The following MAD1L1 variants were observed in gnomAD, a reference collection of about 807,000 sequenced individuals.
MAD1L1 encodes mitotic spindle assembly checkpoint protein MAD1.
A neutral mutation model predicts 96.9 loss-of-function variants in MAD1L1; 95 were observed. That is an observed-to-expected ratio of 0.98 (90% confidence interval 0.83 to 1.16). The LOEUF (loss-of-function observed/expected upper bound fraction) is 1.16. Among genes scored for constraint, MAD1L1 ranks in the 50% most tolerant of loss-of-function variants. The probability of loss-of-function intolerance (pLI) is 0.00; values close to 1 mark genes in which losing one functional copy is unlikely to be tolerated. For missense variants in MAD1L1, 1,007 were observed against 954.4 expected, an observed-to-expected ratio of 1.06 and a Z score of -0.73; for synonymous variants, 473 against 396.6, an observed-to-expected ratio of 1.19 and a Z score of -2.29.
intron 10 of MAD1L1, among the ~76,000 whole-genome samples, chr7:2,185,349 G>T (rs973349490): frequency 6.6e-6 from 1 of 152,214 alleles, no homozygotes; most frequent in Admixed American, 6.5e-5. Flanking sequence ...TCTCCCGGGG[G>T]TAGGAATTGA....
intron 1 of MAD1L1, among the ~76,000 whole-genome samples, chr7:2,232,051 T>G (rs776826660): frequency 6.6e-6 from 1 of 152,184 alleles, no homozygotes; most frequent in African/African-American, 2.4e-5. Context: ...AGATTGGAAC[T>G]TGGGTCTGTC....
At chr7:1,863,811 A>G (rs1238869119) in intron 18 of MAD1L1, among the ~76,000 whole-genome samples, 1 of 152,118 alleles carries the variant, frequency 6.6e-6, no homozygotes, top group Non-Finnish European at 1.5e-5. Context: ...GAGGAAGGCC[A>G]GGCGCGGTGG....
intron 11 of MAD1L1, among the ~76,000 whole-genome samples, chr7:2,130,500 CAT>C (rs1365836586): frequency 6.6e-6 from 1 of 152,182 alleles, no homozygotes; most frequent in Non-Finnish European, 1.5e-5. Flanking sequence ...CAGCTTCCCA[CAT>C]AGTCTTGGGC....
At chr7:1,903,066 T>C (rs1378867801) in intron 17 of MAD1L1, among the ~76,000 whole-genome samples, 29 of 119,496 alleles carry the variant, frequency 2.4e-4, no homozygotes, top group Admixed American at 6.1e-4. Flanking sequence ...GACACTCTTG[T>C]GGAATTCATG....
chr7:1,940,565 G>A (rs1778903331), intron 16 of MAD1L1: 2 of 152,246 alleles, frequency 1.3e-5, no homozygotes, highest in Non-Finnish European at 2.9e-5. Context: ...AGCCAGGGAG[G>A]ATGTGGGCAG....
At chr7:2,127,368 G>A (rs1251615685) in intron 11 of MAD1L1, among the ~76,000 whole-genome samples, 1 of 152,240 alleles carries the variant, frequency 6.6e-6, no homozygotes, top group Admixed American at 6.5e-5. Flanking sequence ...GAGCACCCAA[G>A]GGGCAAGGAG....
chr7:2,154,124 C>T (rs1789709362), intron 10 of MAD1L1, among the ~76,000 whole-genome samples: 1 of 152,180 alleles, frequency 6.6e-6, no homozygotes. Context: ...CCACTGCACT[C>T]CAGCCTGGCA....
Position 2,220,936 on chromosome 7 carries a change from T to C in MAD1L1, c.472-1480A>G, listed in dbSNP as rs761333732. On this transcript the variant is annotated intron_variant, in intron 5 of 18. Coordinates refer to ENST00000265854, the MANE Select transcript of MAD1L1 (RefSeq NM_001013836.2). ...GGGCCGAGCCCACCTGCCCACAGGG[T>C]CACCCGTGTTGTAGGGGACGCCGGA... is the stretch of plus-strand genomic sequence containing the variant. 7.4e-5 allele frequency: 119 copies of C among 1,612,166 alleles called. No homozygotes were observed. In the African/African-American group the frequency reaches 1.5e-3, roughly 20 times the overall value.
chr7:2,023,171 C>A (rs938897941), intron 12 of MAD1L1, among the ~76,000 whole-genome samples: 9 of 152,170 alleles, frequency 5.9e-5, no homozygotes, highest in Non-Finnish European at 1.2e-4. Flanking sequence ...AATTCAATAG[C>A]CCCATCAATC....
chr7:2,073,342 T>C (rs1453591062), intron 11 of MAD1L1, among the ~76,000 whole-genome samples: 1 of 152,240 alleles, frequency 6.6e-6, no homozygotes, highest in Non-Finnish European at 1.5e-5. Flanking sequence ...GTTAAAGATC[T>C]GCAGGAGTGC....
chr7:1,907,642 T>C (rs1787748891), intron 17 of MAD1L1, among the ~76,000 whole-genome samples: 1 of 152,220 alleles, frequency 6.6e-6, no homozygotes, highest in Admixed American at 6.5e-5. Flanking sequence ...CTCATCTCTC[T>C]AAGCCCCCTT....
At chr7:1,841,232 G>A (rs1276489313) in intron 18 of MAD1L1, among the ~76,000 whole-genome samples, 4 of 152,230 alleles carry the variant, frequency 2.6e-5, no homozygotes, top group Admixed American at 6.5e-5. Context: ...ATCCCCGTAA[G>A]TGACAAGACT....
chr7:1,930,862 C>T lies in MAD1L1; in HGVS notation c.1807+5825G>A, dbSNP rs1789430785. 2.6e-5 allele frequency among the ~76,000 whole-genome samples: 4 copies of T among 152,124 alleles called. No individual in the cohort carries two copies. In the South Asian group the frequency reaches 8.3e-4, roughly 31 times the overall value. Reference sequence around the variant, plus strand: ...GCCCTCACAACTTACCCTGGTCTCTCTCGTGACCCAGGAGACCCACCCCTA... The same window carrying T: ...GCCCTCACAACTTACCCTGGTCTCTTTCGTGACCCAGGAGACCCACCCCTA... On this transcript the variant is annotated intron_variant, in intron 17 of 18. Transcript: ENST00000265854.
chr7:1,919,134 C>CGG (rs1788615192), intron 17 of MAD1L1, among the ~76,000 whole-genome samples: 1 of 152,234 alleles, frequency 6.6e-6, no homozygotes, highest in Non-Finnish European at 1.5e-5. Context: ...ACCCTTGGTG[C>CGG]GGGGACAGAC....
At position 2,209,239 on chromosome 7, in the gene MAD1L1, A is replaced by G. The variant is rs184595741; in HGVS notation, c.986+3973T>C. On this transcript the variant is annotated intron_variant, in intron 10 of 18. Coordinates refer to ENST00000265854, the MANE Select transcript of MAD1L1 (RefSeq NM_001013836.2). ...CCTGCCCAGCCTCCTCTCCTAAGAC[A>G]TAAGAAGCCCTACATGGGGAAGAGG... is the stretch of plus-strand genomic sequence containing the variant. Among the ~76,000 whole-genome samples the G allele has an allele frequency of 4.5e-3, 683 of 152,244 alleles. 8 individuals are homozygous for G. The highest frequency in any genetic ancestry group is 0.015 in the African/African-American group (640 of 41,528).
chr7:2,069,292 G>A lies in MAD1L1; in HGVS notation c.1120C>T (p.Arg374Trp), dbSNP rs199616934. The A allele has an allele frequency of 1.6e-3, 2,580 of 1,609,570 alleles. 3 individuals are homozygous for A. The highest frequency in any genetic ancestry group is 2.0e-3 in the Admixed American group (119 of 59,822). ...KARQQLQEEL[R>W]QVSGQLLEER... is the part of the protein sequence containing the mutation. ...TCCAACAGCTGGCCGCTGACCTGCCGGAGCTCCTCCTGCAGCTGCTGCCTG... is the reference window on the plus strand; with the variant it reads ...TCCAACAGCTGGCCGCTGACCTGCCAGAGCTCCTCCTGCAGCTGCTGCCTG... Residue 374 changes from arginine (R) to tryptophan (W), a missense_variant, in exon 12 of 19, where the codon CGG becomes TGG. Coordinates refer to ENST00000265854, the MANE Select transcript of MAD1L1 (RefSeq NM_001013836.2).
At chr7:2,009,717 G>C (rs1242434409) in intron 13 of MAD1L1, among the ~76,000 whole-genome samples, 2 of 152,196 alleles carry the variant, frequency 1.3e-5, no homozygotes, top group Non-Finnish European at 2.9e-5. Context: ...GGAAGGCTAG[G>C]GGGTGGACGC....
chr7:1,851,226 A>T (rs1346561654), intron 18 of MAD1L1, among the ~76,000 whole-genome samples: 2 of 152,060 alleles, frequency 1.3e-5, no homozygotes, highest in Admixed American at 1.3e-4. Context: ...CGGCCGGCAC[A>T]GGGTGGAAGG....
intron 12 of MAD1L1, among the ~76,000 whole-genome samples, chr7:2,014,943 G>C (rs908364265): frequency 6.6e-6 from 1 of 152,242 alleles, no homozygotes; most frequent in Non-Finnish European, 1.5e-5. Flanking sequence ...TGGCTATGGG[G>C]TCGGCTGGGA....
Sources: allele counts gnomAD v4.1 joint callset (sites outside exome capture counted in the v4.1 genomes callset), GRCh38; gene constraint gnomAD v4.1.1; transcripts MANE v1.5; gene names NCBI Gene and HGNC (gene_info 2026-07-23, HGNC 2026-07-21).